SPAG16: variants seen among roughly 807,000 people sequenced by gnomAD.
SPAG16 encodes sperm-associated antigen 16 protein.
In SPAG16, 86 loss-of-function variants were observed where a neutral mutation model predicts 80.4. That is an observed-to-expected ratio of 1.07 (90% CI 0.90 to 1.28). The LOEUF is 1.28. SPAG16 is among the 50% of genes most tolerant of loss of function. SPAG16 has a pLI of 0.00. For synonymous variants in SPAG16, 294 were observed against 265.9 expected (o/e 1.11, Z -1.03); for missense variants, 870 against 765.3 (o/e 1.14, Z -1.61).
chr2:214,324,917 C>A (rs558353186), intron 15 of SPAG16, among the ~76,000 whole-genome samples: 58 of 152,292 alleles, frequency 3.8e-4, no homozygotes, highest in African/African-American at 1.3e-3. Flanking sequence ...TTGTGACATA[C>A]AGTTGCACAC....
intron 15 of SPAG16, among the ~76,000 whole-genome samples, chr2:214,229,459 C>A (rs1465399881): frequency 6.6e-6 from 1 of 151,214 alleles, no homozygotes; most frequent in Non-Finnish European, 1.5e-5. Context: ...GGGCTATTGT[C>A]TGTATATTAT....
At chr2:213,920,558 T>G (rs1429210174) in intron 11 of SPAG16, among the ~76,000 whole-genome samples, 1 of 152,148 alleles carries the variant, frequency 6.6e-6, no homozygotes, top group Non-Finnish European at 1.5e-5. Context: ...GCTGCCCCAT[T>G]GGACCTCTCT....
intron 10 of SPAG16, among the ~76,000 whole-genome samples, chr2:213,517,148 A>G (rs1005723401): frequency 3.9e-5 from 6 of 152,186 alleles, no homozygotes; most frequent in Non-Finnish European, 7.3e-5. Context: ...AATTGGTAGT[A>G]TTTCTATATA....
intron 5 of SPAG16, among the ~76,000 whole-genome samples, chr2:213,319,395 AG>A (rs2063526736): frequency 6.6e-6 from 1 of 151,936 alleles, no homozygotes; most frequent in Non-Finnish European, 1.5e-5. Flanking sequence ...TGTTTTTGCA[AG>A]GTATATAAAT....
At chr2:213,574,768 TTG>T (rs2060061472) in intron 10 of SPAG16, among the ~76,000 whole-genome samples, 1 of 150,758 alleles carries the variant, frequency 6.6e-6, no homozygotes, top group South Asian at 2.1e-4. Flanking sequence ...TCTTAGTCAA[TTG>T]TGAACTAGGG....
chr2:214,138,435 T>A (rs2055176067), intron 14 of SPAG16, among the ~76,000 whole-genome samples: 2 of 152,136 alleles, frequency 1.3e-5, no homozygotes, highest in Admixed American at 1.3e-4. Context: ...ATTTAAAGCC[T>A]GCTGCATGCA....
intron 15 of SPAG16, chr2:214,238,488 T>C (rs777385497): frequency 2.4e-4 from 37 of 155,602 alleles, no homozygotes; most frequent in Admixed American, 1.3e-3. Flanking sequence ...TTTCCCAGCA[T>C]TAATGGGTTC....
At chr2:213,739,636 T>C (rs1185383556) in intron 10 of SPAG16, among the ~76,000 whole-genome samples, 2 of 152,218 alleles carry the variant, frequency 1.3e-5, no homozygotes, top group Non-Finnish European at 2.9e-5. Context: ...GAGTCTTGCT[T>C]TGTCGCCCAG....
At chr2:214,229,906 T>C (rs76258882) in intron 15 of SPAG16, among the ~76,000 whole-genome samples, 3,481 of 151,968 alleles carry the variant, frequency 0.023, 89 homozygotes, top group African/African-American at 0.06. Flanking sequence ...GTCAGCAAAA[T>C]GCAGCACAGT....
rs898040642 is a variant in SPAG16, at chr2:214,318,293, G to A, written c.1721-91847G>A. On this transcript the variant is annotated intron_variant, in intron 15 of 15. Coordinates refer to ENST00000331683, the MANE Select transcript of SPAG16 (RefSeq NM_024532.5). Reference sequence around the variant, plus strand: ...AATGTTAGAGAACAAGACTTTTAACGTAAGCAGTAGTGGAAGATCTGATTT... The same window carrying A: ...AATGTTAGAGAACAAGACTTTTAACATAAGCAGTAGTGGAAGATCTGATTT... 9.3e-5 allele frequency among the ~76,000 whole-genome samples: 14 copies of A among 150,654 alleles called. No individual in the cohort carries two copies. The South Asian group carries it at 1.1e-3, about 11-fold the overall frequency.
At chr2:214,316,679 T>A (rs1695719659) in intron 15 of SPAG16, among the ~76,000 whole-genome samples, 1 of 152,180 alleles carries the variant, frequency 6.6e-6, no homozygotes, top group South Asian at 2.1e-4. Context: ...AATTTGTAGA[T>A]CCTCAATCTT....
At chr2:214,386,308 G>A (rs924886359) in intron 15 of SPAG16, among the ~76,000 whole-genome samples, 3 of 152,072 alleles carry the variant, frequency 2.0e-5, no homozygotes, top group African/African-American at 2.4e-5. Context: ...GCTTTAGCTC[G>A]GGAGGCAGAA....
At chr2:213,636,965 C>T (rs1410065173) in intron 10 of SPAG16, among the ~76,000 whole-genome samples, 1 of 152,110 alleles carries the variant, frequency 6.6e-6, no homozygotes, top group East Asian at 1.9e-4. Flanking sequence ...TGTCTCATTG[C>T]TCTAGCCAGG....
chr2:213,530,930 C>T lies in SPAG16; in HGVS notation c.1070+40840C>T, dbSNP rs1422731992. ...ATTTTTTCTTAGCATTGTCTTCTTG[C>T]TTAAATAAGAAAATATTACTTGAAT... On this transcript the variant is annotated intron_variant, in intron 10 of 15. Coordinates refer to ENST00000331683, the MANE Select transcript of SPAG16 (RefSeq NM_024532.5). Among the ~76,000 whole-genome samples the T allele has an allele frequency of 2.6e-5, 4 of 151,962 alleles. No homozygotes were observed. In the East Asian group the frequency reaches 5.8e-4, roughly 22 times the overall value.
intron 15 of SPAG16, among the ~76,000 whole-genome samples, chr2:214,313,980 A>T (rs6758779): frequency 0.23 from 34,487 of 152,040 alleles, 4,109 homozygotes; most frequent in East Asian, 0.34. Context: ...ATTATTCCAA[A>T]TAAATCTACT....
Position 213,599,544 on chromosome 2 carries a change from G to A in SPAG16, c.1070+109454G>A, listed in dbSNP as rs1296048849. Among the ~76,000 whole-genome samples the A allele has an allele frequency of 3.3e-5, 5 of 152,214 alleles. No homozygotes were observed. In the South Asian group the frequency reaches 8.3e-4, roughly 25 times the overall value. On this transcript the variant is annotated intron_variant, in intron 10 of 15. Coordinates refer to ENST00000331683, the MANE Select transcript of SPAG16 (RefSeq NM_024532.5). Reference sequence around the variant, plus strand: ...AATGTAATCTCTCTTCTGATTTTTAGAATAACATTTTCTTTTCTATAGAGC... The same window carrying A: ...AATGTAATCTCTCTTCTGATTTTTAAAATAACATTTTCTTTTCTATAGAGC...
intron 15 of SPAG16, among the ~76,000 whole-genome samples, chr2:214,157,726 A>T (rs2056275745): frequency 6.6e-6 from 1 of 152,110 alleles, no homozygotes; most frequent in African/African-American, 2.4e-5. Flanking sequence ...TTTCAATTGC[A>T]TGATTTATGA....
At chr2:213,606,308 T>C (rs2061258134) in intron 10 of SPAG16, among the ~76,000 whole-genome samples, 1 of 152,226 alleles carries the variant, frequency 6.6e-6, no homozygotes, top group South Asian at 2.1e-4. Flanking sequence ...AGTGGGGACA[T>C]GTTCAGGCAT....
chr2:214,328,000 C>A (rs1696615828), intron 15 of SPAG16, among the ~76,000 whole-genome samples: 1 of 152,094 alleles, frequency 6.6e-6, no homozygotes, highest in Admixed American at 6.5e-5. Flanking sequence ...TCTGTTTCAT[C>A]TTTGTGTATG....
Sources: gnomAD v4.1 joint callset for allele counts (sites outside exome capture counted in the v4.1 genomes callset) on GRCh38, gnomAD v4.1.1 for gene constraint, MANE v1.5 for transcripts, NCBI Gene and HGNC (gene_info 2026-07-23, HGNC 2026-07-21) for gene names.